ADGRG1: variants seen among roughly 807,000 people sequenced by gnomAD.
ADGRG1 encodes the protein 7-transmembrane protein with no EGF-like N-terminal domains-1.
In ADGRG1, 53 loss-of-function variants were observed where a neutral mutation model predicts 73.5. The ratio of observed to expected loss-of-function variants is 0.72; its 90% CI spans 0.58 to 0.91. ADGRG1 has a LOEUF of 0.91. ADGRG1 is among the 40% of genes least tolerant of loss of function. The pLI, the probability that ADGRG1 is intolerant of heterozygous loss-of-function variation, is 0.00. For synonymous variants in ADGRG1, 394 were observed against 374.4 expected, an observed-to-expected ratio of 1.05 and a Z score of -0.60; for missense variants, 795 against 871.8, an observed-to-expected ratio of 0.91 and a Z score of 1.11.
chr16:57,641,361 G>A, intron 1 of ADGRG1: 1 of 984,570 alleles, frequency 1.0e-6, no homozygotes, highest in Non-Finnish European at 1.2e-6. Context: ...CTTGGAGATG[G>A]CCAGGTGGAG....
chr16:57,662,067 G>A (rs557772145), intron 13 of ADGRG1, 102 bp downstream of exon 13: 10 of 940,896 alleles, frequency 1.1e-5, no homozygotes, highest in Middle Eastern at 2.2e-4. Flanking sequence ...CCTTCTCTGG[G>A]CCTCAGTCAT....
chr16:57,651,390 G>A lies in ADGRG1; in HGVS notation c.255G>A (p.Arg85=), dbSNP rs375579694. The A allele has an allele frequency of 2.3e-5, 37 of 1,614,040 alleles. No homozygotes were observed. Among genetic ancestry groups the A allele is most frequent in the Admixed American group, 3.3e-5 (2 of 60,000 alleles). The change falls in exon 3 of 14, where the codon AGG becomes AGA. Residue 85 remains arginine, a synonymous_variant. Coordinates refer to ENST00000562631, the MANE Select transcript of ADGRG1 (RefSeq NM_201525.4). ...HPASRSFPDP[R]GLYHFCLYWN... is the part of the protein sequence containing the mutation. The stretch of plus-strand genomic sequence containing the variant: ...CTTCCCGATCCTTCCCTGACCCCAG[G>A]GGCCTCTACCACTTCTGCCTCTACT...
intron 1 of ADGRG1, chr16:57,633,157 G>A (rs2147375135): frequency 2.8e-6 from 1 of 358,078 alleles, no homozygotes; most frequent in South Asian, 1.2e-4. Context: ...GCCTGTAAAT[G>A]GAGATAACAA....
chr16:57,639,421 C>T (rs2040188530), intron 1 of ADGRG1: 1 of 985,458 alleles, frequency 1.0e-6, no homozygotes. Flanking sequence ...TCACCTGCGC[C>T]CCTTCTCCCG....
At chr16:57,639,611 C>T (rs2040248294) in intron 1 of ADGRG1, 3 of 985,434 alleles carry the variant, frequency 3.0e-6, no homozygotes, top group African/African-American at 3.5e-5. Context: ...AAGAACCCCT[C>T]ATCTGCCACG....
chr16:57,643,986 T>C, intron 1 of ADGRG1: 1 of 985,122 alleles, frequency 1.0e-6, no homozygotes, highest in Non-Finnish European at 1.2e-6. Flanking sequence ...ACATGCTATT[T>C]CCAAGTAAGA....
chr16:57,626,915 T>C (rs1336197459), upstream of ADGRG1: 1 of 985,272 alleles, frequency 1.0e-6, no homozygotes, highest in Non-Finnish European at 1.2e-6. Flanking sequence ...GGGCCCCCAG[T>C]GTAGGCTGGC....
At chr16:57,657,244 C>T (rs1319783444) in intron 9 of ADGRG1, 129 bp from the exon 10 acceptor site, 6 of 1,332,384 alleles carry the variant, frequency 4.5e-6, no homozygotes, top group South Asian at 1.2e-5. Flanking sequence ...ACATTCTGCT[C>T]AGTTGGGAGA....
Position 57,653,318 on chromosome 16 carries a change from G to A in ADGRG1, c.603G>A (p.Ser201=), listed in dbSNP as rs143113602. 1.4e-5 allele frequency: 22 copies of A among 1,609,240 alleles called. 1 individual carries two copies. Among genetic ancestry groups the A allele is most frequent in the Middle Eastern group, 3.3e-4 (2 of 6,056 alleles). Residue 201 remains serine, a synonymous_variant, in exon 4 of 14, where the codon TCG becomes TCA. Transcript: ENST00000562631. ...KHPQKASRRP[S]AAPASQQLQS... is the part of the protein sequence containing the mutation. ...CCCAGAAGGCCTCAAGGAGGCCCTC[G>A]GCTGCCCCCGCCAGCCAGTAAGTTT...
At chr16:57,653,408 C>G (rs2044637037) in intron 4 of ADGRG1, 73 bp downstream of exon 4, 2 of 1,594,298 alleles carry the variant, frequency 1.3e-6, no homozygotes, top group South Asian at 2.2e-5. Context: ...AGGGTGGGAC[C>G]TGGAGTAGGG....
At chr16:57,637,370 G>A in intron 1 of ADGRG1, 1 of 985,024 alleles carries the variant, frequency 1.0e-6, no homozygotes. Flanking sequence ...GGGACTATGG[G>A]TGGGGCTGGG....
chr16:57,663,387 G>T, intron 13 of ADGRG1, 65 bp from the exon 14 acceptor site: 6 of 1,602,160 alleles, frequency 3.7e-6, no homozygotes, highest in Non-Finnish European at 4.3e-6. Flanking sequence ...AATGGCTGGG[G>T]AGGGAGGAGG....
In ADGRG1 at chr16:57,654,090, C is replaced by T; in HGVS notation, c.725C>T (p.Pro242Leu). Residue 242 changes from proline (P) to leucine (L), a missense_variant, in exon 5 of 14, where the codon CCC becomes CTC. Transcript: ENST00000562631. Reference sequence around the variant, plus strand: ...AACGCCACGGTGTGGAAGCTCCAGCCCACAGCCGGCCTCCAGGACCTGCAC... The same window carrying T: ...AACGCCACGGTGTGGAAGCTCCAGCTCACAGCCGGCCTCCAGGACCTGCAC... ...RINATVWKLQ[P>L]TAGLQDLHIH... The T allele has an allele frequency of 6.2e-7, 1 of 1,613,770 alleles. No homozygotes were observed. The highest frequency in any genetic ancestry group is 8.5e-7 in the Non-Finnish European group (1 of 1,180,026).
upstream of ADGRG1, chr16:57,623,902 G>C (rs1371091841): frequency 8.5e-6 from 7 of 823,222 alleles, no homozygotes; most frequent in Non-Finnish European, 1.0e-5. Context: ...TCCTGACTCT[G>C]TTGCCAACTT....
chr16:57,646,640 G>A lies in ADGRG1; in HGVS notation c.-35-3613G>A, dbSNP rs779170229. The A allele has an allele frequency of 2.1e-5, 21 of 985,018 alleles. No homozygotes were observed. The East Asian group carries it at 1.0e-3, about 48-fold the overall frequency. 61.0% of individuals were successfully genotyped at this position (985,018 alleles called of 1,614,324 possible). A position where few individuals can be genotyped will look rare whatever the true frequency, so the allele number is the denominator to read the frequency against. ...TTCCCTTTGTGGGGATTCTAAAGCC[G>A]GGGAGTTGGGAAGGATGTGCATCTC... On this transcript the variant is annotated intron_variant, in intron 1 of 13. Coordinates refer to ENST00000562631, the MANE Select transcript of ADGRG1 (RefSeq NM_201525.4).
intron 8 of ADGRG1, 114 bp downstream of exon 8, chr16:57,656,385 G>A: frequency 1.2e-6 from 2 of 1,610,526 alleles, no homozygotes; most frequent in Non-Finnish European, 1.7e-6. Context: ...GGAGGACTTT[G>A]AAGAGAGAGC....
At chr16:57,641,325 G>A (rs564102438) in intron 1 of ADGRG1, 93 of 985,308 alleles carry the variant, frequency 9.4e-5, no homozygotes, top group African/African-American at 3.5e-4. Flanking sequence ...GTGCCCTGGC[G>A]CCCAGGAGGC....
upstream of ADGRG1, chr16:57,622,951 G>A (rs1296112856): frequency 2.0e-6 from 2 of 985,314 alleles, no homozygotes; most frequent in Non-Finnish European, 2.4e-6. Context: ...CTGGGGGAGG[G>A]AGAACGTCTG....
intron 1 of ADGRG1, chr16:57,642,428 G>A (rs556216550): frequency 1.0e-6 from 1 of 985,352 alleles, no homozygotes; most frequent in East Asian, 1.1e-4. Flanking sequence ...GAAGGGAGGG[G>A]AGGGGGCTGG....
Sources: allele counts gnomAD v4.1 joint callset, GRCh38; gene constraint gnomAD v4.1.1; transcripts MANE v1.5; gene names NCBI Gene and HGNC (gene_info 2026-07-23, HGNC 2026-07-21).